Variants in LAMA1 observed in about 807,000 individuals in gnomAD.
LAMA1 encodes laminin subunit alpha 1.
In LAMA1, 219 loss-of-function variants were observed where a neutral mutation model predicts 348.7. The observed-to-expected ratio is 0.63, with a 90% CI of 0.56 to 0.70. The LOEUF is 0.70. Ranked by LOEUF, LAMA1 falls within the 30% of genes least tolerant of loss-of-function variation. The pLI is 0.00. For synonymous variants in LAMA1, 1,487 were observed against 1,491.0 expected, an observed-to-expected ratio of 1.00 and a Z score of 0.06; for missense variants, 3,744 against 3,888.0, an observed-to-expected ratio of 0.96 and a Z score of 0.99.
chr18:7,009,321 G>C lies in LAMA1; in HGVS notation c.3919C>G (p.Arg1307Gly), dbSNP rs767943611. The change falls in exon 27 of 63, where the codon CGA (arginine) becomes GGA (glycine). Residue 1307 changes from arginine to glycine, a missense_variant. Physicochemically the swap from Arg to Gly is moderately radical, Grantham distance 125. Transcript: ENST00000389658. ...FNSVSEKPVT[R>G]EDFMSVLSDI... ...CTGAGGACAGACATAAAATCCTCTC[G>C]CGTGACAGGTTTTTCAGAAACAGAG... 6.2e-7 allele frequency: 1 copy of C among 1,613,914 alleles called. No individual in the cohort carries two copies. Among genetic ancestry groups the C allele is most frequent in the South Asian group, 1.1e-5 (1 of 91,058 alleles).
At chr18:7,046,986 A>G (rs2058044109) in intron 5 of LAMA1, among the ~76,000 whole-genome samples, 1 of 151,564 alleles carries the variant, frequency 6.6e-6, no homozygotes, top group African/African-American at 2.4e-5. Flanking sequence ...TTTTCTACAT[A>G]CATAATCATG....
At chr18:6,961,178 T>G (rs993521048) in intron 53 of LAMA1, among the ~76,000 whole-genome samples, 4 of 152,212 alleles carry the variant, frequency 2.6e-5, no homozygotes, top group Non-Finnish European at 5.9e-5. Flanking sequence ...GCTGCTCCTT[T>G]CAATCCTATA....
In LAMA1 at chr18:6,983,406, G is replaced by C. The variant is rs183213230; in HGVS notation, c.5661-172C>G. ...TATGGGTTCCCATGTAACTTCAAAA[G>C]TAATCTTTGAGAAGCCGTAGCCACT... On this transcript the variant is annotated intron_variant, in intron 39 of 62. Transcript: ENST00000389658. Among the ~76,000 whole-genome samples, 134 of 152,222 alleles carry C rather than the reference G, an allele frequency of 8.8e-4. 5 individuals carry two copies. Among genetic ancestry groups the C allele is most frequent in the Admixed American group, 8.6e-3 (132 of 15,288 alleles).
At chr18:7,050,639 G>C (rs1457026142) in intron 4 of LAMA1, 55 bp downstream of exon 4, 1 of 1,611,488 alleles carries the variant, frequency 6.2e-7, no homozygotes, top group East Asian at 2.2e-5. Flanking sequence ...TTGAGTCTGA[G>C]ACAGGGAGAC....
At chr18:6,984,741 AG>A (rs1187354091) in intron 39 of LAMA1, among the ~76,000 whole-genome samples, 3 of 152,248 alleles carry the variant, frequency 2.0e-5, no homozygotes, top group Non-Finnish European at 2.9e-5. Context: ...ACTTTCAGGC[AG>A]TAGAAAATAA....
chr18:7,088,833 C>A (rs1413570355), intron 1 of LAMA1, among the ~76,000 whole-genome samples: 2 of 152,082 alleles, frequency 1.3e-5, no homozygotes, highest in African/African-American at 2.4e-5. Flanking sequence ...CTAATATATT[C>A]TTTATGCATT....
Position 6,999,566 on chromosome 18 carries a change from G to A in LAMA1, c.4542C>T (p.His1514=), listed in dbSNP as rs764991786. 2.9e-5 allele frequency: 47 copies of A among 1,613,924 alleles called. 1 individual carries two copies. The Middle Eastern group carries it at 1.3e-3, about 45-fold the overall frequency. ...GSCQKCDCNP[H]GSVHGDCDRT... is the part of the protein sequence containing the mutation. ...GGTCACAGTCACCGTGGACAGAGCCGTGCGGGTTGCAGTCACACTTCTGGC... is the reference window on the plus strand; with the variant it reads ...GGTCACAGTCACCGTGGACAGAGCCATGCGGGTTGCAGTCACACTTCTGGC... The change falls in exon 32 of 63, where the codon CAC becomes CAT. Residue 1514 remains histidine, a synonymous_variant. Coordinates refer to ENST00000389658, the MANE Select transcript of LAMA1 (RefSeq NM_005559.4).
intron 1 of LAMA1, among the ~76,000 whole-genome samples, chr18:7,096,205 T>C (rs774045201): frequency 6.6e-6 from 1 of 152,260 alleles, no homozygotes; most frequent in Non-Finnish European, 1.5e-5. Flanking sequence ...TCCGGAATAC[T>C]GCCCACATTC....
Position 7,008,541 on chromosome 18 carries a change from A to C in LAMA1, c.4069T>G (p.Ser1357Ala), listed in dbSNP as rs774249338. The change falls in exon 28 of 63, where the codon TCT (serine) becomes GCT (alanine). Residue 1357 changes from serine (S) to alanine (A), a missense_variant. Ser to Ala is a moderately conservative substitution (Grantham distance 99). This residue lies in a region of LAMA1 where 1,983 missense variants were observed against 1,934.3 expected (regional missense o/e 1.03). Coordinates refer to ENST00000389658, the MANE Select transcript of LAMA1 (RefSeq NM_005559.4). ...EKLHPEEEVA[S>A]LLENCVCPPG... ...GGACAGACACAATTCTCTAAAAGAG[A>C]TGCAACCTCTTCTTCTGGGTGCAGC... is the stretch of plus-strand genomic sequence containing the variant. 5.6e-6 allele frequency: 9 copies of C among 1,613,940 alleles called. No individual in the cohort carries two copies. Among genetic ancestry groups the C allele is most frequent in the Non-Finnish European group, 2.5e-6 (3 of 1,179,856 alleles).
intron 44 of LAMA1, 83 bp from the exon 45 acceptor site, chr18:6,976,163 A>C: frequency 7.1e-7 from 1 of 1,418,038 alleles, no homozygotes; most frequent in East Asian, 2.3e-5. Context: ...GCTATTCTGT[A>C]ATGAATTTTC....
chr18:7,025,208 T>C (rs2057936961), intron 17 of LAMA1, among the ~76,000 whole-genome samples: 1 of 152,206 alleles, frequency 6.6e-6, no homozygotes, highest in African/African-American at 2.4e-5. Context: ...TACATCTCCT[T>C]CCACCTCCCT....
chr18:6,980,375 C>G (rs1192504227), intron 42 of LAMA1, 146 bp downstream of exon 42: 1 of 646,638 alleles, frequency 1.5e-6, no homozygotes, highest in African/African-American at 1.8e-5. Context: ...AAATCATATT[C>G]CTTTGCAAGT....
chr18:7,050,689 C>G lies in LAMA1; in HGVS notation c.588+5G>C, dbSNP rs752701816. On this transcript the variant is annotated splice_donor_5th_base_variant and intron_variant, in intron 4 of 62. Coordinates refer to ENST00000389658, the MANE Select transcript of LAMA1 (RefSeq NM_005559.4). ...AGATCTTGCTGCAGCGGGCACCATA[C>G]CTACCTCTCCATGCTCAAGTGGCAC... 6.2e-7 allele frequency: 1 copy of G among 1,613,546 alleles called. No individual in the cohort carries two copies.
In LAMA1 at chr18:7,002,322, C is replaced by T; in HGVS notation, c.4324G>A (p.Val1442Met). ...GCACAGTCACTTGCTGAGCCAGTCA[C>T]CTTCCCGTAGTAGCCAGAAGTACAC... is the stretch of plus-strand genomic sequence containing the variant. ...DVCTSGYYGK[V>M]TGSASDCALC... Residue 1442 changes from valine (V) to methionine (M), a missense_variant, in exon 30 of 63, where the codon GTG becomes ATG. By Grantham distance (21) the Val-to-Met change is conservative. Transcript: ENST00000389658. The T allele has an allele frequency of 1.9e-6, 3 of 1,613,694 alleles. No homozygotes were observed. The South Asian group carries it at 3.3e-5, about 18-fold the overall frequency.
rs779213902 is a variant in LAMA1, at chr18:7,032,054, T to C, written c.2274+12A>G. ...GGAGGAGAGGGCACCTGAACTACAGTGAGAGACTCACAATGCAAACGCCGT... is the reference window on the plus strand; with the variant it reads ...GGAGGAGAGGGCACCTGAACTACAGCGAGAGACTCACAATGCAAACGCCGT... On this transcript the variant is annotated intron_variant, in intron 16 of 62. Transcript: ENST00000389658. The C allele has an allele frequency of 6.2e-7, 1 of 1,610,514 alleles. No individual in the cohort carries two copies. Among genetic ancestry groups the C allele is most frequent in the Non-Finnish European group, 8.5e-7 (1 of 1,176,772 alleles).
chr18:7,101,944 G>T (rs2058292950), intron 1 of LAMA1, among the ~76,000 whole-genome samples: 1 of 151,478 alleles, frequency 6.6e-6, no homozygotes, highest in Non-Finnish European at 1.5e-5. Flanking sequence ...CTCTCAAAGT[G>T]CTGAGATTAT....
Position 7,026,023 on chromosome 18 carries a change from C to T in LAMA1, c.2358G>A (p.Gly786=). 3 of 1,609,554 alleles carry T rather than the reference C, an allele frequency of 1.9e-6. No individual in the cohort carries two copies. The highest frequency in any genetic ancestry group is 1.1e-5 in the South Asian group (1 of 90,096). Residue 786 remains glycine, a synonymous_variant, in exon 17 of 63, where the codon GGG becomes GGA. Transcript: ENST00000389658. The stretch of plus-strand genomic sequence containing the variant: ...GAGGGCAGGCGCAGGGCTGGCAGTC[C>T]CCAGGTGTCCCTCGGGAAGGCTCCC... ...FYGEPSRGTP[G]DCQPCACPLT...
rs773742827 is a variant in LAMA1 at position 7,017,269 on chromosome 18, G to T, written c.2808+9C>A. ...AGGCTAAGGTGTCAATTAGTCACAT[G>T]CATCTTACCAAGCACTGGTCACACT... On this transcript the variant is annotated intron_variant, in intron 20 of 62. Transcript: ENST00000389658. The T allele has an allele frequency of 9.4e-6, 15 of 1,603,214 alleles. No individual in the cohort carries two copies. In the East Asian group the frequency reaches 3.1e-4, roughly 33 times the overall value.
Position 6,999,948 on chromosome 18 carries a change from C to A in LAMA1, c.4432G>T (p.Ala1478Ser). 1 of 1,614,080 alleles carries A rather than the reference C, an allele frequency of 6.2e-7. No homozygotes were observed. Among genetic ancestry groups the A allele is most frequent in the Non-Finnish European group, 8.5e-7 (1 of 1,179,946 alleles). The change falls in exon 31 of 63, where the codon GCC (alanine) becomes TCC (serine). Residue 1478 changes from alanine (A) to serine (S), a missense_variant. By Grantham distance (99) the Ala-to-Ser change is moderately conservative (BLOSUM62 1). Around this residue, in one of 3 missense-constraint regions of LAMA1, gnomAD observed 1,983 missense variants for 1,934.3 expected, o/e 1.03. Coordinates refer to ENST00000389658, the MANE Select transcript of LAMA1 (RefSeq NM_005559.4). ...LEGDHDFRCDACLLGYEGKHC... is the reference protein window; with the variant it reads ...LEGDHDFRCDSCLLGYEGKHC... ...TTTCCTTCATAGCCCAGGAGACAGG[C>A]GTCACAACGGAAATCGTGGTCCCCT...
Sources: gnomAD v4.1 joint callset for allele counts (sites outside exome capture counted in the v4.1 genomes callset) on GRCh38, gnomAD v4.1.1 for gene constraint, gnomAD v4.1.1 regional missense constraint, MANE v1.5 for transcripts, NCBI Gene and HGNC (gene_info 2026-07-23, HGNC 2026-07-21) for gene names.